The following UST variants were observed in gnomAD, a reference collection of about 807,000 sequenced individuals.
The protein encoded by UST is chondroitin sulfate 2-O-sulfotransferase.
Under a neutral mutation model 45.6 loss-of-function variants are expected in UST, and 21 were observed. That is an observed-to-expected ratio of 0.46 (90% CI 0.33 to 0.66). UST has a LOEUF of 0.66. UST is among the 30% of genes least tolerant of loss of function. UST has a pLI of 0.02. For synonymous variants in UST, 215 were observed against 200.6 expected (o/e 1.07, Z -0.61); for missense variants, 463 against 512.4 (o/e 0.90, Z 0.93).
intron 1 of UST, among the ~76,000 whole-genome samples, chr6:148,876,910 T>C (rs1778664366): frequency 7.0e-6 from 1 of 143,446 alleles, no homozygotes; most frequent in Non-Finnish European, 1.5e-5. Context: ...AGGGTATCTT[T>C]GCTTCAGATT....
intron 2 of UST, among the ~76,000 whole-genome samples, chr6:148,932,728 G>C (rs527869962): frequency 6.6e-6 from 1 of 152,218 alleles, no homozygotes; most frequent in East Asian, 1.9e-4. Context: ...TGTGAAAATT[G>C]CTTCTTTGTA....
intron 1 of UST, among the ~76,000 whole-genome samples, chr6:148,852,083 T>C (rs963920155): frequency 2.0e-5 from 3 of 152,236 alleles, no homozygotes; most frequent in African/African-American, 7.2e-5. Context: ...CCAGCAATCA[T>C]GCTCTTTCAT....
At chr6:148,920,570 T>C (rs933418533) in intron 2 of UST, among the ~76,000 whole-genome samples, 1 of 152,156 alleles carries the variant, frequency 6.6e-6, no homozygotes, top group African/African-American at 2.4e-5. Context: ...GCTCTGTCAC[T>C]CAGGCTGGAA....
chr6:148,950,067 C>T (rs953466024), intron 3 of UST, among the ~76,000 whole-genome samples: 13 of 152,172 alleles, frequency 8.5e-5, no homozygotes, highest in Non-Finnish European at 4.4e-5. Context: ...CAGGTAGTCA[C>T]CTCCTTAACC....
intron 3 of UST, among the ~76,000 whole-genome samples, chr6:148,944,223 C>G (rs902417041): frequency 6.6e-6 from 1 of 152,020 alleles, no homozygotes; most frequent in Non-Finnish European, 1.5e-5. Flanking sequence ...AATTTGTTCC[C>G]ATAGAATCAT....
chr6:148,904,600 T>G (rs1779322976), intron 2 of UST, among the ~76,000 whole-genome samples: 1 of 152,166 alleles, frequency 6.6e-6, no homozygotes. Context: ...CTTGGTTCAC[T>G]GCAGCCTCCA....
At chr6:149,035,490 C>T (rs1276096027) in intron 7 of UST, among the ~76,000 whole-genome samples, 2 of 152,052 alleles carry the variant, frequency 1.3e-5, no homozygotes, top group Non-Finnish European at 2.9e-5. Context: ...CATGGTGGCT[C>T]ACACCTGGAA....
At chr6:149,054,929 T>C (rs1776540093) in intron 7 of UST, among the ~76,000 whole-genome samples, 1 of 152,178 alleles carries the variant, frequency 6.6e-6, no homozygotes, top group Admixed American at 6.5e-5. Flanking sequence ...TCAAGCAATC[T>C]GAAAGAGAGA....
At chr6:148,956,262 T>A (rs1374967645) in intron 4 of UST, 1 of 158,636 alleles carries the variant, frequency 6.3e-6, no homozygotes, top group Non-Finnish European at 1.4e-5. Context: ...GTTTTCATGC[T>A]GCTGATATCC....
At chr6:148,828,147 C>T (rs1370813867) in intron 1 of UST, among the ~76,000 whole-genome samples, 1 of 152,018 alleles carries the variant, frequency 6.6e-6, no homozygotes, top group African/African-American at 2.4e-5. Context: ...ATATATCTGT[C>T]AGGATATATG....
At chr6:149,043,746 AGCCTTTTGTTTAT>A (rs1776360405) in intron 7 of UST, among the ~76,000 whole-genome samples, 1 of 152,280 alleles carries the variant, frequency 6.6e-6, no homozygotes, top group African/African-American at 2.4e-5. Flanking sequence ...ATGGTGACCA[AGCCTTTTGTTTAT>A]GCGGGTTGAC....
At chr6:148,958,723 C>T (rs1290699464) in intron 4 of UST, among the ~76,000 whole-genome samples, 2 of 152,142 alleles carry the variant, frequency 1.3e-5, no homozygotes, top group Admixed American at 6.5e-5. Context: ...CTGTCCCCTG[C>T]CCCCAATTTT....
At chr6:148,828,530 T>C (rs1777616371) in intron 1 of UST, among the ~76,000 whole-genome samples, 1 of 152,184 alleles carries the variant, frequency 6.6e-6, no homozygotes. Context: ...GAGCACAGAC[T>C]CTGGAACCAG....
chr6:149,073,767 C>A, intron 7 of UST, 66 bp from the exon 8 acceptor site: 1 of 1,559,218 alleles, frequency 6.4e-7, no homozygotes, highest in Non-Finnish European at 8.7e-7. Context: ...TAATGTGGGT[C>A]CTCGCCGGGA....
rs1285016766 is a variant in UST at position 149,076,276 on chromosome 6, A to G, written c.*2160A>G. On this transcript the variant is annotated 3_prime_UTR_variant, in exon 8 of 8. Transcript: ENST00000367463. ...GCCTGGTACCCTGTGAGTCATTTCT[A>G]TGAAATTCCATATAAAGAATGATGA... The G allele has an allele frequency of 6.6e-6, 1 of 152,250 alleles. No homozygotes were observed. The highest frequency in any genetic ancestry group is 1.9e-4 in the East Asian group (1 of 5,202). 9.4% of individuals were successfully genotyped at this position (152,250 alleles called of 1,614,324 possible).
rs1315000241 is a variant in UST at position 149,075,342 on chromosome 6, G to A, written c.*1226G>A. Reference sequence around the variant, plus strand: ...AGGGGTCCTGAGTTCTGTGCAGGTGGAAGAGCTACCCGAGAACTACCTGAG... The same window carrying A: ...AGGGGTCCTGAGTTCTGTGCAGGTGAAAGAGCTACCCGAGAACTACCTGAG... On this transcript the variant is annotated 3_prime_UTR_variant, in exon 8 of 8. Transcript: ENST00000367463. The A allele has an allele frequency of 1.3e-5, 2 of 152,200 alleles. No individual in the cohort carries two copies. The highest frequency in any genetic ancestry group is 4.8e-5 in the African/African-American group (2 of 41,440). The allele number at this position is 152,200 out of a possible 1,614,324, so 9.4% of individuals were successfully genotyped here.
intron 5 of UST, among the ~76,000 whole-genome samples, chr6:148,975,588 A>G (rs1052960459): frequency 9.8e-5 from 15 of 152,302 alleles, no homozygotes; most frequent in Admixed American, 9.2e-4. Flanking sequence ...ATTAGCTATC[A>G]TCATTATAAT....
At chr6:149,005,619 C>T (rs1407540872) in intron 5 of UST, 2 of 984,770 alleles carry the variant, frequency 2.0e-6, no homozygotes, top group Non-Finnish European at 2.4e-6. Context: ...CTCTCCCTCC[C>T]TCTCTCCACC....
chr6:149,067,861 A>G (rs951158847), intron 7 of UST, among the ~76,000 whole-genome samples: 3 of 152,176 alleles, frequency 2.0e-5, no homozygotes, highest in African/African-American at 7.2e-5. Context: ...TACTAGGTCA[A>G]TTTCTGCCTG....
Sources: gnomAD v4.1 joint callset for allele counts (sites outside exome capture counted in the v4.1 genomes callset) on GRCh38, gnomAD v4.1.1 for gene constraint, MANE v1.5 for transcripts, NCBI Gene and HGNC (gene_info 2026-07-23, HGNC 2026-07-21) for gene names.